CDH2: variants seen among roughly 807,000 people sequenced by gnomAD.
CDH2 encodes the protein cadherin-2.
A neutral mutation model predicts 92.0 loss-of-function variants in CDH2; 17 were observed. That is an observed-to-expected ratio of 0.18 (90% CI 0.13 to 0.28). The LOEUF is 0.28. Ranked by LOEUF, CDH2 falls within the 10% of genes least tolerant of loss-of-function variation. The pLI is 1.00. For synonymous variants in CDH2, 419 were observed against 415.9 expected (o/e 1.01, Z -0.09); for missense variants, 862 against 1,133.1 (o/e 0.76, Z 3.44).
intron 15 of CDH2, among the ~76,000 whole-genome samples, 184 bp from the exon 16 acceptor site, chr18:27,952,543 A>T (rs1479519803): frequency 6.6e-6 from 1 of 152,186 alleles, no homozygotes; most frequent in African/African-American, 2.4e-5. Flanking sequence ...ACAAAAATTA[A>T]CTTATATCTT....
chr18:27,973,034 G>A (rs1330795544), intron 14 of CDH2, among the ~76,000 whole-genome samples: 1 of 152,038 alleles, frequency 6.6e-6, no homozygotes, highest in East Asian at 1.9e-4. Context: ...AAAGTGGAGG[G>A]GTAATGAGAG....
chr18:27,958,245 T>TA (rs2011302018), intron 15 of CDH2, among the ~76,000 whole-genome samples: 1 of 152,104 alleles, frequency 6.6e-6, no homozygotes, highest in Non-Finnish European at 1.5e-5. Context: ...TGAGATATTT[T>TA]AAAAAACAGA....
chr18:28,052,161 CT>C (rs1230371272), intron 2 of CDH2, among the ~76,000 whole-genome samples: 2 of 152,086 alleles, frequency 1.3e-5, no homozygotes, highest in Non-Finnish European at 2.9e-5. Flanking sequence ...TATTTCCCAG[CT>C]CTAGAGTACA....
Position 28,177,054 on chromosome 18 carries a change from A to AGGAGGC in CDH2, c.-38_-33dup, listed in dbSNP as rs976848117. On this transcript the variant is annotated 5_prime_UTR_variant, in exon 1 of 16. Transcript: ENST00000269141. Reference sequence around the variant, plus strand: ...GGAGAGGGGCCGAGCGAAGAGCCGGAGGAGGCGGCGGCGGCGGCGGCGGCG... The same window carrying AGGAGGC: ...GGAGAGGGGCCGAGCGAAGAGCCGGAGGAGGCGGAGGCGGCGGCGGCGGCGGCGGCG... The AGGAGGC allele has an allele frequency of 1.0e-5, 15 of 1,434,602 alleles. No homozygotes were observed. In the East Asian group the frequency reaches 1.1e-4, roughly 11 times the overall value. 88.9% of individuals were successfully genotyped at this position (1,434,602 alleles called of 1,614,324 possible).
At chr18:28,110,464 T>C (rs1191843623) in intron 2 of CDH2, among the ~76,000 whole-genome samples, 3 of 152,134 alleles carry the variant, frequency 2.0e-5, no homozygotes, top group Non-Finnish European at 1.5e-5. Context: ...AAGAAGTCAG[T>C]TGACTGCGGC....
chr18:28,105,906 T>C (rs766047420), intron 2 of CDH2, among the ~76,000 whole-genome samples: 5 of 152,206 alleles, frequency 3.3e-5, no homozygotes, highest in Admixed American at 6.5e-5. Flanking sequence ...CTCTCTACTA[T>C]GCAGATTAGT....
intron 2 of CDH2, among the ~76,000 whole-genome samples, chr18:28,037,845 T>C (rs2144099497): frequency 6.6e-6 from 1 of 152,146 alleles, no homozygotes; most frequent in East Asian, 1.9e-4. Flanking sequence ...CAAGAGGTTA[T>C]TGTTTGAACA....
At chr18:27,965,990 G>GAAAAAAAA (rs373927434) in intron 14 of CDH2, among the ~76,000 whole-genome samples, 4 of 58,660 alleles carry the variant, frequency 6.8e-5, no homozygotes, top group Non-Finnish European at 1.2e-4. Context: ...TGTCTAAAAG[G>GAAAAAAAA]AAAAAAAAAA....
At chr18:28,090,522 G>A (rs987257398) in intron 2 of CDH2, among the ~76,000 whole-genome samples, 10 of 152,070 alleles carry the variant, frequency 6.6e-5, no homozygotes, top group Non-Finnish European at 1.2e-4. Context: ...CCCAGGCAGC[G>A]TCCACAAGCA....
intron 2 of CDH2, among the ~76,000 whole-genome samples, chr18:28,127,101 T>A (rs1397642053): frequency 6.6e-6 from 1 of 152,154 alleles, no homozygotes. Context: ...TGCTACCTGC[T>A]GTGTATAAAG....
intron 14 of CDH2, among the ~76,000 whole-genome samples, chr18:27,976,891 G>A (rs2011849169): frequency 6.6e-6 from 1 of 152,178 alleles, no homozygotes; most frequent in Non-Finnish European, 1.5e-5. Flanking sequence ...TTCCTATCCT[G>A]GGGCTGAAAG....
At chr18:28,100,431 T>C (rs541649418) in intron 2 of CDH2, among the ~76,000 whole-genome samples, 2 of 152,334 alleles carry the variant, frequency 1.3e-5, no homozygotes, top group Non-Finnish European at 2.9e-5. Context: ...ACCCTTCAGA[T>C]TGGACTACAC....
chr18:28,080,974 C>T (rs1188977279), intron 2 of CDH2, among the ~76,000 whole-genome samples: 2 of 152,092 alleles, frequency 1.3e-5, no homozygotes, highest in Admixed American at 1.3e-4. Context: ...TCTTCTCTGC[C>T]CAGAAGCAAG....
intron 6 of CDH2, among the ~76,000 whole-genome samples, chr18:27,943,730 T>A (rs1426767203): frequency 6.6e-6 from 1 of 152,090 alleles, no homozygotes; most frequent in Non-Finnish European, 1.5e-5. Context: ...TGTGTAGGGG[T>A]TTACACAAGA....
At chr18:28,050,158 C>G (rs1007296437) in intron 2 of CDH2, among the ~76,000 whole-genome samples, 1 of 152,164 alleles carries the variant, frequency 6.6e-6, no homozygotes, top group Non-Finnish European at 1.5e-5. Context: ...TTTTAAGCCA[C>G]TGAGTTCCGA....
intron 2 of CDH2, among the ~76,000 whole-genome samples, chr18:28,123,709 A>C (rs537794510): frequency 1.3e-5 from 2 of 152,292 alleles, no homozygotes; most frequent in Non-Finnish European, 2.9e-5. Flanking sequence ...CACAGGCTTC[A>C]TTCCACTGTA....
At chr18:27,961,030 CA>C (rs139161217) in intron 15 of CDH2, among the ~76,000 whole-genome samples, 178 of 148,376 alleles carry the variant, frequency 1.2e-3, no homozygotes, top group African/African-American at 4.0e-3. Flanking sequence ...AAAAAAAGAA[CA>C]AAAAAAAAAT....
In CDH2 at chr18:27,985,732, G is replaced by A; in HGVS notation, c.1771C>T (p.Leu591=). ...TTAATATCAAGTAAATAGATCTGCAGCGTTCCTGTTCCACTCATAGGAGGA... is the reference window on the plus strand; with the variant it reads ...TTAATATCAAGTAAATAGATCTGCAACGTTCCTGTTCCACTCATAGGAGGA... The part of the protein sequence containing the change: ...GIPPMSGTGT[L]QIYLLDINDN... The change falls in exon 12 of 16, where the codon CTG becomes TTG. Residue 591 remains leucine (L), a synonymous_variant. Coordinates refer to ENST00000269141, the MANE Select transcript of CDH2 (RefSeq NM_001792.5). The A allele has an allele frequency of 6.2e-7, 1 of 1,612,256 alleles. No individual in the cohort carries two copies. Among genetic ancestry groups the A allele is most frequent in the Non-Finnish European group, 8.5e-7 (1 of 1,178,548 alleles).
At chr18:28,109,491 C>A (rs950895773) in intron 2 of CDH2, among the ~76,000 whole-genome samples, 1 of 152,238 alleles carries the variant, frequency 6.6e-6, no homozygotes, top group South Asian at 2.1e-4. Flanking sequence ...CAGCTGAATT[C>A]TTTGGCCACA....
Sources: gnomAD v4.1 joint callset for allele counts (sites outside exome capture counted in the v4.1 genomes callset) on GRCh38, gnomAD v4.1.1 for gene constraint, MANE v1.5 for transcripts, NCBI Gene and HGNC (gene_info 2026-07-23, HGNC 2026-07-21) for gene names.